Variants in CGGBP1 observed in about 807,000 individuals in gnomAD.
CGGBP1 encodes CGG triplet repeat-binding protein 1.
A neutral mutation model predicts 11.4 loss-of-function variants in CGGBP1; 4 were observed. The observed-to-expected ratio is 0.35, with a 90% CI of 0.17 to 0.80. CGGBP1 has a LOEUF of 0.80. CGGBP1 is among the 30% of genes least tolerant of loss of function. CGGBP1 has a pLI of 0.52. For synonymous variants in CGGBP1, 76 were observed against 74.1 expected (o/e 1.03, Z -0.13); for missense variants, 135 against 202.1 (o/e 0.67, Z 2.01).
intron 2 of CGGBP1, among the ~76,000 whole-genome samples, chr3:88,123,093 A>T (rs532443763): frequency 6.6e-6 from 1 of 152,220 alleles, no homozygotes; most frequent in East Asian, 1.9e-4. Context: ...TGTGCATTCT[A>T]CAGTAATTTA....
At chr3:88,091,829 CTGTGAT>C (rs1708647678) in intron 2 of CGGBP1, among the ~76,000 whole-genome samples, 1 of 152,168 alleles carries the variant, frequency 6.6e-6, no homozygotes, top group African/African-American at 2.4e-5. Flanking sequence ...TCGCCTTCTG[CTGTGAT>C]TGTGAGGCCT....
chr3:88,119,473 A>G (rs1705636615), intron 2 of CGGBP1, among the ~76,000 whole-genome samples: 1 of 150,270 alleles, frequency 6.7e-6, no homozygotes, highest in Non-Finnish European at 1.5e-5. Context: ...GCGCACCAGC[A>G]TGGCACATGT....
At position 88,051,987 on chromosome 3, in the gene CGGBP1, CA is replaced by C. The variant is rs1706437897; in HGVS notation, c.*3485del. On this transcript the variant is annotated 3_prime_UTR_variant, in exon 4 of 4. Transcript: ENST00000482016. Reference sequence around the variant, plus strand: ...AGGAAATATATTTGTCATTGACTCACAAAACAAAATGTGCTTTCAAAATCTT... The same window carrying C: ...AGGAAATATATTTGTCATTGACTCACAAACAAAATGTGCTTTCAAAATCTT... The C allele has an allele frequency of 2.6e-5, 4 of 152,362 alleles. No homozygotes were observed. Among genetic ancestry groups the C allele is most frequent in the Middle Eastern group, 6.3e-3 (2 of 316 alleles). The allele number at this position is 152,362 out of a possible 1,614,324, so 9.4% of individuals were successfully genotyped here.
At chr3:88,120,122 A>C (rs1450003966) in intron 2 of CGGBP1, among the ~76,000 whole-genome samples, 1 of 152,118 alleles carries the variant, frequency 6.6e-6, no homozygotes, top group Non-Finnish European at 1.5e-5. Context: ...ATATTTTTAT[A>C]ATTTTGAGAC....
rs781749484 is a variant in CGGBP1, at chr3:88,055,715, C to T, written c.262G>A (p.Ala88Thr). The part of the protein sequence containing the change: ...NVRKKQRPLT[A>T]SLQCNSTAQT... ...GCAGTACTGTTGCACTGAAGAGATG[C>T]AGTTAGGGGCCTCTGCTTCTTTCTC... The change falls in exon 4 of 4, where the codon GCA becomes ACA. Residue 88 changes from alanine (A) to threonine (T), a missense_variant. Physicochemically the swap from Ala to Thr is moderately conservative, Grantham distance 58 (BLOSUM62 0). Transcript: ENST00000482016. This position sits in a 1 kb window ranked among gnomAD's most constrained non-coding sequence, Gnocchi z 4.2. 2 of 1,614,214 alleles carry T rather than the reference C, an allele frequency of 1.2e-6. No homozygotes were observed. Among genetic ancestry groups the T allele is most frequent in the Non-Finnish European group, 1.7e-6 (2 of 1,180,044 alleles).
chr3:88,084,888 C>T (rs1320370693), intron 2 of CGGBP1, among the ~76,000 whole-genome samples: 2 of 152,174 alleles, frequency 1.3e-5, no homozygotes, highest in Non-Finnish European at 2.9e-5. Flanking sequence ...TGAGGAACCT[C>T]AAGTTTAAGG....
chr3:88,117,718 G>C (rs1705495573), intron 2 of CGGBP1, among the ~76,000 whole-genome samples: 1 of 152,098 alleles, frequency 6.6e-6, no homozygotes, highest in Non-Finnish European at 1.5e-5. Context: ...CAATAATCTG[G>C]AACTAGGATC....
chr3:88,069,404 A>G (rs562194892), intron 2 of CGGBP1, among the ~76,000 whole-genome samples: 3 of 152,332 alleles, frequency 2.0e-5, no homozygotes, highest in African/African-American at 7.2e-5. Flanking sequence ...CCTGGGTGAC[A>G]AAGTGAGACT....
chr3:88,095,876 C>T (rs1478294527), intron 2 of CGGBP1: 2 of 449,650 alleles, frequency 4.4e-6, no homozygotes, highest in Non-Finnish European at 8.5e-6. Flanking sequence ...ACTCCACTTG[C>T]CACTTAACCA....
intron 2 of CGGBP1, among the ~76,000 whole-genome samples, chr3:88,136,870 A>G (rs553804661): frequency 1.6e-4 from 25 of 152,250 alleles, no homozygotes; most frequent in Middle Eastern, 6.8e-3. Context: ...AAACTTGAGC[A>G]TCTGTATACA....
intron 2 of CGGBP1, chr3:88,140,058 G>A: frequency 6.2e-7 from 1 of 1,613,750 alleles, no homozygotes; most frequent in South Asian, 1.1e-5. Flanking sequence ...AAGGCAATTT[G>A]AAGATTCTCA....
At chr3:88,113,464 A>G (rs893500490) in intron 2 of CGGBP1, among the ~76,000 whole-genome samples, 5 of 152,192 alleles carry the variant, frequency 3.3e-5, no homozygotes, top group African/African-American at 1.2e-4. Context: ...CCTAGAACTT[A>G]GTCCTGGTGA....
intron 2 of CGGBP1, among the ~76,000 whole-genome samples, chr3:88,137,029 T>C (rs1389181677): frequency 6.6e-6 from 1 of 151,882 alleles, no homozygotes; most frequent in East Asian, 1.9e-4. Context: ...ACCCCATCTC[T>C]ACTAAAAATA....
In CGGBP1 at chr3:88,052,111, A is replaced by C. The variant is rs1162993079; in HGVS notation, c.*3362T>G. 1.3e-5 allele frequency: 2 copies of C among 152,430 alleles called. No individual in the cohort carries two copies. The highest frequency in any genetic ancestry group is 2.9e-5 in the Non-Finnish European group (2 of 67,830). The allele number at this position is 152,430 out of a possible 1,614,324, so 9.4% of individuals were successfully genotyped here. ...GCATACATGCGTGAGCAAAAAAAAT[A>C]AGCACAGAATACAAAAATGAAATAG... On this transcript the variant is annotated 3_prime_UTR_variant, in exon 4 of 4. Transcript: ENST00000482016.
At chr3:88,066,515 A>C (rs910508137) in intron 2 of CGGBP1, among the ~76,000 whole-genome samples, 3 of 152,168 alleles carry the variant, frequency 2.0e-5, no homozygotes, top group African/African-American at 7.2e-5. Context: ...CGGAGTTTGC[A>C]GTCAGCTGAG....
At chr3:88,101,584 C>T (rs1254139225) in intron 2 of CGGBP1, among the ~76,000 whole-genome samples, 1 of 152,026 alleles carries the variant, frequency 6.6e-6, no homozygotes, top group East Asian at 1.9e-4. Context: ...TTTATTTATG[C>T]ATTCAGCAAT....
rs143613120 is a variant in CGGBP1 at position 88,146,175 on chromosome 3, TGTG to T, written c.-338+3533_-338+3535del. ...TGGAAATTTGTTAGAAATGCTAAAT[TGTG>T]GTCAGGTTGGAGGCCATCTGGCTTA... On this transcript the variant is annotated intron_variant, in intron 1 of 3. Coordinates refer to the CGGBP1 transcript ENST00000462901. Among the ~76,000 whole-genome samples the T allele has an allele frequency of 8.3e-3, 1,258 of 152,300 alleles. 9 individuals carry two copies. Among genetic ancestry groups the T allele is most frequent in the African/African-American group, 0.029 (1,217 of 41,548 alleles).
chr3:88,069,420 T>C (rs1349863319), intron 2 of CGGBP1, among the ~76,000 whole-genome samples: 4 of 151,902 alleles, frequency 2.6e-5, no homozygotes, highest in African/African-American at 9.7e-5. Flanking sequence ...AGACTCTGTT[T>C]CAAAAAAAAA....
intron 2 of CGGBP1, among the ~76,000 whole-genome samples, chr3:88,127,999 ATAAG>A (rs1256473895): frequency 1.3e-5 from 2 of 152,240 alleles, no homozygotes; most frequent in African/African-American, 4.8e-5. Context: ...CTGATTAAAT[ATAAG>A]TAATTAAAAT....
Sources: allele counts gnomAD v4.1 joint callset (sites outside exome capture counted in the v4.1 genomes callset), GRCh38; gene constraint gnomAD v4.1.1; non-coding constraint Gnocchi (gnomAD v3.1); transcripts MANE v1.5; gene names NCBI Gene and HGNC (gene_info 2026-07-23, HGNC 2026-07-21).